Variants in PCDH15 observed in about 807,000 individuals in gnomAD.
PCDH15 encodes the protein protocadherin-15.
PCDH15 carries 129 observed loss-of-function variants against 178.5 expected under a neutral mutation model. That is an observed-to-expected ratio of 0.72 (90% CI 0.63 to 0.84). The LOEUF (loss-of-function observed/expected upper bound fraction) is 0.84. PCDH15 is among the 40% of genes least tolerant of loss of function. The pLI is 0.00. For synonymous variants in PCDH15, 800 were observed against 732.0 expected, an observed-to-expected ratio of 1.09 and a Z score of -1.50; for missense variants, 2,230 against 2,099.9, an observed-to-expected ratio of 1.06 and a Z score of -1.21.
At chr10:55,320,181 G>A (rs2132298545), upstream of PCDH15, among the ~76,000 whole-genome samples, 1 of 152,264 alleles carries the variant, frequency 6.6e-6, no homozygotes, top group Admixed American at 6.5e-5. Context: ...CTTGCTGCTT[G>A]TTCTCTACAG....
intron 13 of PCDH15, among the ~76,000 whole-genome samples, chr10:54,169,779 C>A (rs1454855180): frequency 6.6e-6 from 1 of 152,004 alleles, no homozygotes; most frequent in African/African-American, 2.4e-5. Context: ...AAGATTAAAG[C>A]CTGTTATCAC....
chr10:53,862,199 C>T (rs551515525), intron 27 of PCDH15, among the ~76,000 whole-genome samples: 1 of 151,970 alleles, frequency 6.6e-6, no homozygotes, highest in African/African-American at 2.4e-5. Flanking sequence ...TTACAGGTGC[C>T]CATCACCACA....
chr10:55,357,793 G>T (rs931226119), intron 2 of PCDH15, among the ~76,000 whole-genome samples: 2 of 151,966 alleles, frequency 1.3e-5, no homozygotes, highest in Non-Finnish European at 2.9e-5. Flanking sequence ...TCTGAGCTTT[G>T]TTAATCCTAA....
chr10:54,239,398 C>T (rs148562940), intron 8 of PCDH15, among the ~76,000 whole-genome samples: 13 of 145,604 alleles, frequency 8.9e-5, no homozygotes, highest in East Asian at 1.9e-4. Flanking sequence ...TCATCTTACA[C>T]ATTTGCCTGT....
chr10:54,738,101 G>A (rs1944353204), intron 1 of PCDH15, among the ~76,000 whole-genome samples: 1 of 152,062 alleles, frequency 6.6e-6, no homozygotes, highest in Admixed American at 6.6e-5. Flanking sequence ...CATGATAGAA[G>A]TTAGAGACTG....
At chr10:54,570,204 C>CA (rs1245277208) in intron 2 of PCDH15, among the ~76,000 whole-genome samples, 1 of 151,872 alleles carries the variant, frequency 6.6e-6, no homozygotes, top group Non-Finnish European at 1.5e-5. Flanking sequence ...GAGCCTAAGG[C>CA]AAAAGGAAAG....
At chr10:55,278,116 T>C (rs902491901) in intron 1 of PCDH15, among the ~76,000 whole-genome samples, 2 of 152,162 alleles carry the variant, frequency 1.3e-5, no homozygotes, top group South Asian at 2.1e-4. Context: ...TGAACAGATA[T>C]GTTAATATGC....
rs145882214 is a variant in PCDH15, at chr10:54,068,065, G to A, written c.2092-1180C>T. Among the ~76,000 whole-genome samples, 713 of 152,164 alleles carry A rather than the reference G, an allele frequency of 4.7e-3. 6 individuals are homozygous for A. The highest frequency in any genetic ancestry group is 0.016 in the African/African-American group (675 of 41,522). Reference sequence around the variant, plus strand: ...GTCACAGAAGTTCTATACCATGCAAGTCATGGTGCTTGGGAAAAAGACCAA... The same window carrying A: ...GTCACAGAAGTTCTATACCATGCAAATCATGGTGCTTGGGAAAAAGACCAA... On this transcript the variant is annotated intron_variant, in intron 17 of 37. Transcript: ENST00000644397.
intron 15 of PCDH15, among the ~76,000 whole-genome samples, chr10:54,125,399 T>C (rs2041906723): frequency 6.6e-6 from 1 of 152,202 alleles, no homozygotes. Flanking sequence ...GTGGACACTT[T>C]CTGTATAATA....
rs564183163 is a variant in PCDH15, at chr10:54,627,595, T to C, written c.91+36577A>G. Among the ~76,000 whole-genome samples the C allele has an allele frequency of 2.0e-5, 3 of 152,306 alleles. No homozygotes were observed. The East Asian group carries it at 5.8e-4, about 29-fold the overall frequency. On this transcript the variant is annotated intron_variant, in intron 2 of 37. Transcript: ENST00000644397. ...TGAGTTTTCCATTAAACTTCTTTCG[T>C]TTGTTAATTGTCCAGTCTTGGGTAT... is the stretch of plus-strand genomic sequence containing the variant.
chr10:54,643,714 G>C (rs2094049724), intron 2 of PCDH15, among the ~76,000 whole-genome samples: 1 of 149,706 alleles, frequency 6.7e-6, no homozygotes, highest in Admixed American at 6.7e-5. Flanking sequence ...TATTCCATTT[G>C]AAATCTGGGC....
rs1197023761 is a variant in PCDH15, at chr10:53,961,759, ATTG to A, written c.2999_3001del (p.Thr1000del). ...ATGAAAAGAGACACTGACCTTAAAA[ATTG>A]TTGTAGGTTCTTCATTAAGATTGAC... is the stretch of plus-strand genomic sequence containing the variant. On this transcript the variant is annotated inframe_deletion, in exon 22 of 38. Transcript: ENST00000644397. 6.2e-7 allele frequency: 1 copy of A among 1,603,144 alleles called. No homozygotes were observed. Among genetic ancestry groups the A allele is most frequent in the African/African-American group, 1.3e-5 (1 of 74,674 alleles).
chr10:54,855,776 C>T (rs1953730338), intron 3 of PCDH15, among the ~76,000 whole-genome samples: 2 of 152,148 alleles, frequency 1.3e-5, no homozygotes, highest in Non-Finnish European at 1.5e-5. Flanking sequence ...TTAACCAAGG[C>T]TTCCTGGTGC....
intron 1 of PCDH15, among the ~76,000 whole-genome samples, chr10:55,238,232 C>T (rs181938084): frequency 2.9e-4 from 43 of 149,614 alleles, no homozygotes; most frequent in Admixed American, 6.1e-4. Context: ...TCACTGCAAG[C>T]TCTGCCTCCC....
rs200068998 is a variant in PCDH15 at position 53,853,821 on chromosome 10, G to C, written c.3806+3354C>G. On this transcript the variant is annotated intron_variant, in intron 28 of 37. Coordinates refer to ENST00000644397, the MANE Select transcript of PCDH15 (RefSeq NM_001384140.1). ...TGAGAAGTTGGAAAGCTTATGCACT[G>C]GTGGTGAAATTGTAAAATGGTGCAA... 5.3e-5 allele frequency among the ~76,000 whole-genome samples: 8 copies of C among 152,084 alleles called. No individual in the cohort carries two copies. The East Asian group carries it at 9.7e-4, about 18-fold the overall frequency.
At chr10:54,237,241 A>G (rs1167913935) in intron 8 of PCDH15, among the ~76,000 whole-genome samples, 1 of 152,154 alleles carries the variant, frequency 6.6e-6, no homozygotes, top group African/African-American at 2.4e-5. Context: ...CACAAAAGAA[A>G]TAGCAGCCTA....
chr10:55,233,104 C>A (rs1422852963), intron 1 of PCDH15, among the ~76,000 whole-genome samples: 1 of 151,922 alleles, frequency 6.6e-6, no homozygotes, highest in East Asian at 1.9e-4. Flanking sequence ...TGATGTTATA[C>A]TTCTGTATAT....
intron 2 of PCDH15, among the ~76,000 whole-genome samples, chr10:54,531,919 T>C (rs966980360): frequency 3.9e-5 from 6 of 152,176 alleles, no homozygotes; most frequent in African/African-American, 1.2e-4. Flanking sequence ...GGCATAATTC[T>C]GCACCAAGCC....
chr10:54,626,150 G>A (rs142007082), intron 2 of PCDH15, among the ~76,000 whole-genome samples: 4,564 of 152,250 alleles, frequency 0.03, 217 homozygotes, highest in African/African-American at 0.099. Flanking sequence ...GGTGATTTGG[G>A]TGCTGTTAAA....
Sources: gnomAD v4.1 joint callset for allele counts (sites outside exome capture counted in the v4.1 genomes callset) on GRCh38, gnomAD v4.1.1 for gene constraint, MANE v1.5 for transcripts, NCBI Gene and HGNC (gene_info 2026-07-23, HGNC 2026-07-21) for gene names.